TOP1: variants seen among roughly 807,000 people sequenced by gnomAD.
TOP1 encodes DNA topoisomerase 1.
TOP1 carries 10 observed loss-of-function variants against 111.1 expected under a neutral mutation model. The observed-to-expected ratio is 0.09, with a 90% confidence interval of 0.06 to 0.15. TOP1 has a LOEUF of 0.15. Ranked by LOEUF, TOP1 falls within the 10% of genes least tolerant of loss-of-function variation. TOP1 has a pLI of 1.00. For missense variants in TOP1, 474 were observed against 926.7 expected, an observed-to-expected ratio of 0.51 and a Z score of 6.34; for synonymous variants, 271 against 302.9, an observed-to-expected ratio of 0.89 and a Z score of 1.10.
chr20:41,039,246 C>T (rs1467411956), intron 2 of TOP1, among the ~76,000 whole-genome samples: 1 of 152,208 alleles, frequency 6.6e-6, no homozygotes, highest in Non-Finnish European at 1.5e-5. Flanking sequence ...TAGGTATATA[C>T]AGTCACTTCC....
chr20:41,045,553 A>C (rs890331908), intron 2 of TOP1, among the ~76,000 whole-genome samples: 2 of 152,208 alleles, frequency 1.3e-5, no homozygotes, highest in African/African-American at 4.8e-5. Context: ...CCTATGAGGT[A>C]GGTTATGTCT....
chr20:41,096,841 G>T (rs1370467134), intron 9 of TOP1, among the ~76,000 whole-genome samples: 1 of 152,092 alleles, frequency 6.6e-6, no homozygotes, highest in East Asian at 1.9e-4. Context: ...GCTTAGCTTA[G>T]CAGTGGCAGG....
chr20:41,073,384 AAAAAG>A lies in TOP1; in HGVS notation c.156-2783_156-2779del, dbSNP rs2033689566. ...TCATGGGAAGACAATGAAAAAAAAA[AAAAAG>A]AAAGAAAGAAAAGAAAAGAAAAGAA... is the stretch of plus-strand genomic sequence containing the variant. On this transcript the variant is annotated intron_variant, in intron 3 of 20. Transcript: ENST00000361337. 5.1e-6 allele frequency: 5 copies of A among 984,078 alleles called. No homozygotes were observed. In the East Asian group the frequency reaches 3.4e-4, roughly 67 times the overall value. 61.0% of individuals were successfully genotyped at this position (984,078 alleles called of 1,614,324 possible). A position where few individuals can be genotyped will look rare whatever the true frequency, so the allele number is the denominator to read the frequency against.
At chr20:41,036,108 A>G (rs914229588) in intron 2 of TOP1, among the ~76,000 whole-genome samples, 2 of 152,230 alleles carry the variant, frequency 1.3e-5, no homozygotes, top group South Asian at 4.1e-4. Context: ...AGAACCAGAG[A>G]CCAGGAAAGG....
intron 2 of TOP1, among the ~76,000 whole-genome samples, chr20:41,050,777 C>T (rs932676904): frequency 2.6e-5 from 4 of 152,200 alleles, no homozygotes; most frequent in Non-Finnish European, 5.9e-5. Flanking sequence ...CTGATATTTA[C>T]TGCACTCCTG....
intron 14 of TOP1, among the ~76,000 whole-genome samples, chr20:41,113,725 A>T (rs6029546): frequency 0.011 from 1,721 of 151,440 alleles, 26 homozygotes; most frequent in African/African-American, 0.038. Flanking sequence ...CAAAAAAAAA[A>T]AAAAAAATAA....
Position 41,058,971 on chromosome 20 carries a change from C to T in TOP1, c.59-2423C>T, listed in dbSNP as rs2033508834. On this transcript the variant is annotated intron_variant, in intron 2 of 20. Coordinates refer to ENST00000361337, the MANE Select transcript of TOP1 (RefSeq NM_003286.4). This position sits in a 1 kb window ranked among gnomAD's most constrained non-coding sequence, Gnocchi z 4.2. Reference sequence around the variant, plus strand: ...AAAAGAATGTGGCGCATGTACACCACGGAATACTGTGCAGCCATAAGAAGA... The same window carrying T: ...AAAAGAATGTGGCGCATGTACACCATGGAATACTGTGCAGCCATAAGAAGA... Among the ~76,000 whole-genome samples, 3 of 152,038 alleles carry T rather than the reference C, an allele frequency of 2.0e-5. No homozygotes were observed. Among genetic ancestry groups the T allele is most frequent in the Admixed American group, 6.6e-5 (1 of 15,234 alleles).
At chr20:41,041,406 C>A (rs564791385) in intron 2 of TOP1, among the ~76,000 whole-genome samples, 1 of 148,834 alleles carries the variant, frequency 6.7e-6, no homozygotes, top group South Asian at 2.2e-4. Flanking sequence ...GCCATGTTTG[C>A]CCTACTGTGC....
At chr20:41,076,095 A>G in intron 3 of TOP1, 76 bp from the exon 4 acceptor site, 1 of 1,508,636 alleles carries the variant, frequency 6.6e-7, no homozygotes, top group Non-Finnish European at 8.9e-7. Flanking sequence ...GGTTCATGTT[A>G]TCTTAGGATA....
rs149954612 is a variant in TOP1 at position 41,106,011 on chromosome 20, A to T, written c.1308+4658A>T. On this transcript the variant is annotated intron_variant, in intron 13 of 20. Coordinates refer to ENST00000361337, the MANE Select transcript of TOP1 (RefSeq NM_003286.4). The surrounding 1 kb of genome is among the most constrained non-coding windows in gnomAD (Gnocchi z 4.3). ...CCCACAACAGTATTCCTCTTTTTCC[A>T]TATCCTTGCTAATGTTTCTAAAGTT... is the stretch of plus-strand genomic sequence containing the variant. Among the ~76,000 whole-genome samples, 218 of 112,482 alleles carry T rather than the reference A, an allele frequency of 1.9e-3. 2 individuals carry two copies. The highest frequency in any genetic ancestry group is 7.7e-3 in the African/African-American group (213 of 27,506). 73.8% of individuals were successfully genotyped at this position (112,482 alleles called of 152,430 possible). A position where few individuals can be genotyped will look rare whatever the true frequency, so the allele number is the denominator to read the frequency against.
In TOP1 at chr20:41,116,480, T is replaced by C; in HGVS notation, c.1822+88T>C. The C allele has an allele frequency of 2.0e-6, 2 of 987,590 alleles. No individual in the cohort carries two copies. Among genetic ancestry groups the C allele is most frequent in the East Asian group, 2.5e-5 (1 of 39,256 alleles). 61.2% of individuals were successfully genotyped at this position (987,590 alleles called of 1,614,324 possible). ...ATCTAAGGCCTAGAGTCAGTTCTAC[T>C]TTTTTTCCCTACCATTGTGGTCAGA... On this transcript the variant is annotated intron_variant, in intron 17 of 20. Coordinates refer to ENST00000361337, the MANE Select transcript of TOP1 (RefSeq NM_003286.4). This position sits in a 1 kb window ranked among gnomAD's most constrained non-coding sequence, Gnocchi z 5.6.
chr20:41,044,609 G>C (rs1225227833), intron 2 of TOP1, among the ~76,000 whole-genome samples: 2 of 152,258 alleles, frequency 1.3e-5, no homozygotes, highest in African/African-American at 4.8e-5. Flanking sequence ...GAATAGTGCA[G>C]TACCATGTAG....
chr20:41,042,647 T>G (rs1362620342), intron 2 of TOP1, among the ~76,000 whole-genome samples: 4 of 152,252 alleles, frequency 2.6e-5, no homozygotes, highest in African/African-American at 9.6e-5. Context: ...AGCAGTATAG[T>G]TGACGCTTGA....
chr20:41,096,094 T>C (rs1401053772), intron 9 of TOP1, among the ~76,000 whole-genome samples: 1 of 152,142 alleles, frequency 6.6e-6, no homozygotes. Flanking sequence ...TTTGAGACAG[T>C]CTCAGTCTGT....
chr20:41,098,428 C>A lies in TOP1; in HGVS notation c.975+91C>A, dbSNP rs2034012044. 2.2e-6 allele frequency: 3 copies of A among 1,354,924 alleles called. No homozygotes were observed. Among genetic ancestry groups the A allele is most frequent in the Non-Finnish European group, 1.0e-6 (1 of 977,210 alleles). 83.9% of individuals were successfully genotyped at this position (1,354,924 alleles called of 1,614,324 possible). ...CTTGGTTCTTATGACACAACATTAA[C>A]ATCAGTAATTTCACATCATTCTATG... On this transcript the variant is annotated intron_variant, in intron 11 of 20. Transcript: ENST00000361337. This position sits in a 1 kb window ranked among gnomAD's most constrained non-coding sequence, Gnocchi z 5.7.
chr20:41,040,513 T>C (rs1352524382), intron 2 of TOP1, among the ~76,000 whole-genome samples: 1 of 152,194 alleles, frequency 6.6e-6, no homozygotes, highest in Non-Finnish European at 1.5e-5. Context: ...TGTTAGTCTT[T>C]ATAACTACTG....
In TOP1 at chr20:41,058,929, G is replaced by A. The variant is rs1297582917; in HGVS notation, c.59-2465G>A. ...GGAATCAACCTCAATTTTCATTAAT[G>A]GTAGACTGGATTAAAAAAAAGAATG... is the stretch of plus-strand genomic sequence containing the variant. On this transcript the variant is annotated intron_variant, in intron 2 of 20. Transcript: ENST00000361337. This position sits in a 1 kb window ranked among gnomAD's most constrained non-coding sequence, Gnocchi z 4.2. Among the ~76,000 whole-genome samples the A allele has an allele frequency of 2.0e-5, 3 of 152,118 alleles. No homozygotes were observed. Among genetic ancestry groups the A allele is most frequent in the South Asian group, 2.1e-4 (1 of 4,822 alleles).
At chr20:41,108,549 C>G (rs1376282069) in intron 13 of TOP1, among the ~76,000 whole-genome samples, 1 of 152,198 alleles carries the variant, frequency 6.6e-6, no homozygotes, top group Non-Finnish European at 1.5e-5. Flanking sequence ...CACAATAACA[C>G]TTGCTCTAGG....
At chr20:41,074,585 A>G (rs2033703983) in intron 3 of TOP1, among the ~76,000 whole-genome samples, 2 of 151,780 alleles carry the variant, frequency 1.3e-5, no homozygotes, top group Non-Finnish European at 1.5e-5. Flanking sequence ...GTTTCTGCCT[A>G]TTCATCACTC....
Sources: gnomAD v4.1 joint callset for allele counts (sites outside exome capture counted in the v4.1 genomes callset) on GRCh38, gnomAD v4.1.1 for gene constraint, Gnocchi (gnomAD v3.1) non-coding constraint, MANE v1.5 for transcripts, NCBI Gene and HGNC (gene_info 2026-07-23, HGNC 2026-07-21) for gene names.